The following MMP27 variants were observed in gnomAD, a reference collection of about 807,000 sequenced individuals.
The protein encoded by MMP27 is matrix metalloproteinase-27.
In MMP27, 51 loss-of-function variants were observed where a neutral mutation model predicts 48.1. The ratio of observed to expected loss-of-function variants is 1.06; its 90% confidence interval spans 0.85 to 1.34. The LOEUF is 1.34. Among genes scored for constraint, MMP27 ranks in the 40% most tolerant of loss-of-function variants. The pLI is 0.00. For synonymous variants in MMP27, 229 were observed against 208.9 expected (o/e 1.10, Z -0.83); for missense variants, 698 against 619.3 (o/e 1.13, Z -1.35).
intron 4 of MMP27, among the ~76,000 whole-genome samples, chr11:102,697,577 C>T: frequency 6.6e-6 from 1 of 152,118 alleles, no homozygotes; most frequent in East Asian, 1.9e-4. Flanking sequence ...TTACAGCTCA[C>T]TGCAGCTTCA....
At chr11:102,704,275 A>T (rs905785524) in intron 2 of MMP27, among the ~76,000 whole-genome samples, 2 of 152,236 alleles carry the variant, frequency 1.3e-5, no homozygotes, top group African/African-American at 4.8e-5. Context: ...GCTAGAGATG[A>T]GAGCATGTCT....
chr11:102,705,708 G>A lies in MMP27; in HGVS notation c.7C>T (p.Arg3Cys), dbSNP rs558421984. The change falls in exon 1 of 10, where the codon CGC becomes TGC. Residue 3 changes from arginine to cysteine, a missense_variant. Coordinates refer to ENST00000260229, the MANE Select transcript of MMP27 (RefSeq NM_022122.3). ...AAGAACAAAAACAGAAGCAGAAGGC[G>A]CTTCATTCCTCTCTTTCTTCAGCTG... MKRLLLLFLFFIT... is the reference protein window; with the variant it reads MKCLLLLFLFFIT... 21 of 1,603,452 alleles carry A rather than the reference G, an allele frequency of 1.3e-5. No homozygotes were observed. Among genetic ancestry groups the A allele is most frequent in the African/African-American group, 6.7e-5 (5 of 74,318 alleles).
intron 9 of MMP27, 138 bp downstream of exon 9, chr11:102,692,800 G>T (rs1406607524): frequency 3.2e-6 from 2 of 620,490 alleles, no homozygotes; most frequent in East Asian, 5.6e-5. Context: ...AATGTTTGTG[G>T]GGTTAATGTT....
rs758471833 is a variant in MMP27, at chr11:102,693,946, T to A, written c.1153A>T (p.Thr385Ser). The change falls in exon 8 of 10, where the codon ACA becomes TCA. Residue 385 changes from threonine to serine, a missense_variant. Transcript: ENST00000260229. ...KIDAAVCDKT[T>S]RKTYFFVGIW... is the part of the protein sequence containing the mutation. ...CCCACAAAGAAGTAGGTTTTTCTTG[T>A]GGTCTTATCACAGACGGCTGCATCT... 2 of 1,609,252 alleles carry A rather than the reference T, an allele frequency of 1.2e-6. No homozygotes were observed. Among genetic ancestry groups the A allele is most frequent in the Non-Finnish European group, 1.7e-6 (2 of 1,177,950 alleles).
At position 102,696,351 on chromosome 11, in the gene MMP27, G is replaced by A. The variant is rs567511675; in HGVS notation, c.902+20C>T. ...AAAAATCTTCATAGGAAGTTGAGGT[G>A]TTTAGAGAAATGAGTTTACCTGCCT... On this transcript the variant is annotated intron_variant, in intron 6 of 9. Coordinates refer to ENST00000260229, the MANE Select transcript of MMP27 (RefSeq NM_022122.3). The A allele has an allele frequency of 1.9e-6, 3 of 1,612,672 alleles. No individual in the cohort carries two copies. Among genetic ancestry groups the A allele is most frequent in the South Asian group, 2.2e-5 (2 of 90,958 alleles).
chr11:102,696,604 T>G, intron 5 of MMP27, 70 bp downstream of exon 5: 1 of 1,567,302 alleles, frequency 6.4e-7, no homozygotes, highest in Non-Finnish European at 8.6e-7. Context: ...CAAGAAGTGA[T>G]TTTCTTAACT....
intron 9 of MMP27, 145 bp downstream of exon 9, chr11:102,692,793 G>A (rs1040457713): frequency 6.6e-6 from 4 of 603,760 alleles, no homozygotes; most frequent in Admixed American, 2.8e-5. Flanking sequence ...TTGTGATAAT[G>A]TTTGTGGGGT....
In MMP27 at chr11:102,696,545, C is replaced by T. The variant is rs1242842096; in HGVS notation, c.782-54G>A. ...AATTAAGAGGGCATGAAGAAATATG[C>T]CTACACAAGGGTCTTACCTAAGTGG... On this transcript the variant is annotated intron_variant, in intron 5 of 9. Coordinates refer to ENST00000260229, the MANE Select transcript of MMP27 (RefSeq NM_022122.3). 4 of 1,603,038 alleles carry T rather than the reference C, an allele frequency of 2.5e-6. No individual in the cohort carries two copies. The African/African-American group carries it at 4.0e-5, about 16-fold the overall frequency.
chr11:102,701,804 G>A (rs924531975), intron 4 of MMP27, among the ~76,000 whole-genome samples: 2 of 152,178 alleles, frequency 1.3e-5, no homozygotes, highest in Admixed American at 1.3e-4. Flanking sequence ...GCAGTGAGTG[G>A]CCATGGACCA....
At position 102,705,505 on chromosome 11, in the gene MMP27, A is replaced by G. The variant is rs1861030151; in HGVS notation, c.102+108T>C. The G allele has an allele frequency of 9.0e-6, 6 of 664,176 alleles. No homozygotes were observed. In the South Asian group the frequency reaches 1.2e-4, roughly 13 times the overall value. 41.1% of individuals were successfully genotyped at this position (664,176 alleles called of 1,614,324 possible). A position where few individuals can be genotyped will look rare whatever the true frequency, so the allele number is the denominator to read the frequency against. On this transcript the variant is annotated intron_variant, in intron 1 of 9. Transcript: ENST00000260229. ...ATGAAAAGCAGTTCCTTCTCACAAA[A>G]AAGTTCAGGACTCTTTTGCAGGAAT...
At chr11:102,703,205 C>A in intron 2 of MMP27, 87 bp from the exon 3 acceptor site, 1 of 1,248,550 alleles carries the variant, frequency 8.0e-7, no homozygotes, top group Non-Finnish European at 1.1e-6. Context: ...TCTAGCTTAT[C>A]AATAATGTGC....
chr11:102,692,843 G>T, intron 9 of MMP27, 95 bp downstream of exon 9: 4 of 950,002 alleles, frequency 4.2e-6, no homozygotes, highest in Non-Finnish European at 4.9e-6. Flanking sequence ...TAGCAAAATT[G>T]CATTAAAATA....
At chr11:102,693,157 GA>G (rs34605175) in intron 8 of MMP27, 116 bp from the exon 9 acceptor site, 49,261 of 650,514 alleles carry the variant, frequency 0.076, 2,172 homozygotes, top group African/African-American at 0.12. Context: ...CATAGTAGAG[GA>G]AAACTAATTG....
At chr11:102,700,000 G>A (rs558023871) in intron 4 of MMP27, among the ~76,000 whole-genome samples, 6 of 152,302 alleles carry the variant, frequency 3.9e-5, no homozygotes, top group East Asian at 1.9e-4. Flanking sequence ...TTTCTTCTGT[G>A]AGGACCTATT....
At position 102,704,729 on chromosome 11, in the gene MMP27, A is replaced by C; in HGVS notation, c.149T>G (p.Leu50Arg). The C allele has an allele frequency of 6.2e-7, 1 of 1,613,826 alleles. No homozygotes were observed. Among genetic ancestry groups the C allele is most frequent in the Non-Finnish European group, 8.5e-7 (1 of 1,179,892 alleles). Residue 50 changes from leucine to arginine, a missense_variant, in exon 2 of 10, where the codon CTT becomes CGT. Leu to Arg is a moderately radical substitution (Grantham distance 102). Coordinates refer to ENST00000260229, the MANE Select transcript of MMP27 (RefSeq NM_022122.3). ...GAGACTCCTATTCTTGCTTTGAACA[A>C]GATGATTCCCTTCTATTTCAAGAGA... ...FYSLEIEGNH[L>R]VQSKNRSLID...
intron 2 of MMP27, 104 bp from the exon 3 acceptor site, chr11:102,703,222 A>G (rs1860979996): frequency 5.6e-6 from 6 of 1,076,334 alleles, no homozygotes; most frequent in Non-Finnish European, 7.9e-6. Flanking sequence ...GTGCTGCAGT[A>G]ACTTTGGTGT....
Position 102,692,458 on chromosome 11 carries a change from C to G in MMP27, c.1298-448G>C, listed in dbSNP as rs112154178. Among the ~76,000 whole-genome samples, 100 of 152,216 alleles carry G rather than the reference C, an allele frequency of 6.6e-4. 1 individual carries two copies. Among genetic ancestry groups the G allele is most frequent in the African/African-American group, 2.1e-3 (89 of 41,526 alleles). On this transcript the variant is annotated intron_variant, in intron 9 of 9. Coordinates refer to ENST00000260229, the MANE Select transcript of MMP27 (RefSeq NM_022122.3). Reference sequence around the variant, plus strand: ...CACTCAAAGATATTTCTAGATTACCCCATGGTCTAGGTCATTGTCTTGGAT... The same window carrying G: ...CACTCAAAGATATTTCTAGATTACCGCATGGTCTAGGTCATTGTCTTGGAT...
rs1241354661 is a variant in MMP27, at chr11:102,703,012, A to G, written c.448T>C (p.Ser150Pro). 1.9e-6 allele frequency: 3 copies of G among 1,614,028 alleles called. No individual in the cohort carries two copies. Among genetic ancestry groups the G allele is most frequent in the Non-Finnish European group, 2.5e-6 (3 of 1,180,012 alleles). The change falls in exon 3 of 10, where the codon TCA (serine) becomes CCA (proline). Residue 150 changes from serine (S) to proline (P), a missense_variant. Ser to Pro is a moderately conservative substitution (Grantham distance 74). Transcript: ENST00000260229. ...KVTPLKFTKI[S>P]KGIADIMIAF... Reference sequence around the variant, plus strand: ...ATCATGATGTCTGCAATCCCCTTTGAAATCTTGGTGAATTTTAGTGGAGTG... The same window carrying G: ...ATCATGATGTCTGCAATCCCCTTTGGAATCTTGGTGAATTTTAGTGGAGTG...
At position 102,695,734 on chromosome 11, in the gene MMP27, A is replaced by G. The variant is rs555351051; in HGVS notation, c.902+637T>C. Among the ~76,000 whole-genome samples the G allele has an allele frequency of 6.0e-4, 91 of 152,296 alleles. 3 individuals carry two copies. The South Asian group carries it at 0.012, about 20-fold the overall frequency. On this transcript the variant is annotated intron_variant, in intron 6 of 9. Transcript: ENST00000260229. ...TCCTTTTGCCCCTATATCTTTGTCA[A>G]TGGTGTATGTCTTGGTATTTTGCTA...
Sources: gnomAD v4.1 joint callset for allele counts (sites outside exome capture counted in the v4.1 genomes callset) on GRCh38, gnomAD v4.1.1 for gene constraint, MANE v1.5 for transcripts, NCBI Gene and HGNC (gene_info 2026-07-23, HGNC 2026-07-21) for gene names.